SCAPER: variants seen among roughly 807,000 people sequenced by gnomAD.
SCAPER encodes the protein S phase cyclin A-associated protein in the endoplasmic reticulum.
SCAPER carries 98 observed loss-of-function variants against 182.2 expected under a neutral mutation model. The ratio of observed to expected loss-of-function variants is 0.54; its 90% CI spans 0.46 to 0.64. The LOEUF is 0.64. SCAPER is among the 30% of genes least tolerant of loss of function. The pLI is 0.00. For synonymous variants in SCAPER, 605 were observed against 564.6 expected, an observed-to-expected ratio of 1.07 and a Z score of -1.01; for missense variants, 1,432 against 1,690.0, an observed-to-expected ratio of 0.85 and a Z score of 2.68.
At chr15:76,449,913 C>G (rs945261630) in intron 25 of SCAPER, among the ~76,000 whole-genome samples, 1 of 152,100 alleles carries the variant, frequency 6.6e-6, no homozygotes, top group African/African-American at 2.4e-5. Flanking sequence ...TCTATTAGAC[C>G]AGAAGTTGGC....
chr15:76,691,688 A>G (rs2058368580), intron 20 of SCAPER, among the ~76,000 whole-genome samples: 1 of 152,170 alleles, frequency 6.6e-6, no homozygotes, highest in African/African-American at 2.4e-5. Context: ...AGCAAAAATC[A>G]GATTTCCCCA....
At chr15:76,535,728 T>C (rs1003565784) in intron 23 of SCAPER, among the ~76,000 whole-genome samples, 2 of 151,978 alleles carry the variant, frequency 1.3e-5, no homozygotes, top group Middle Eastern at 3.2e-3. Context: ...TCATTCAGGC[T>C]CTAGGTTCTG....
intron 2 of SCAPER, among the ~76,000 whole-genome samples, chr15:76,883,290 A>G (rs1363805669): frequency 1.3e-5 from 2 of 152,182 alleles, no homozygotes; most frequent in African/African-American, 4.8e-5. Flanking sequence ...CTCCTCCTCA[A>G]TTTGAGTAGT....
At chr15:76,734,593 G>T (rs1381309540) in intron 15 of SCAPER, among the ~76,000 whole-genome samples, 1 of 152,086 alleles carries the variant, frequency 6.6e-6, no homozygotes, top group Non-Finnish European at 1.5e-5. Flanking sequence ...CAAAATACAA[G>T]ATAGGCCAGG....
At chr15:76,473,430 C>G (rs1246476907) in intron 24 of SCAPER, among the ~76,000 whole-genome samples, 1 of 152,190 alleles carries the variant, frequency 6.6e-6, no homozygotes, top group Non-Finnish European at 1.5e-5. Flanking sequence ...GGTCAATGGG[C>G]ACGACAGATT....
In SCAPER at chr15:76,739,104, A is replaced by G. The variant is rs188521992; in HGVS notation, c.1867-5720T>C. 3.3e-5 allele frequency among the ~76,000 whole-genome samples: 5 copies of G among 152,336 alleles called. No individual in the cohort carries two copies. In the East Asian group the frequency reaches 9.6e-4, roughly 29 times the overall value. ...GGTATAAGTAATCTAGAGGTGATTTAAAGTATACAGGAGGATGTGCATAAG... is the reference window on the plus strand; with the variant it reads ...GGTATAAGTAATCTAGAGGTGATTTGAAGTATACAGGAGGATGTGCATAAG... On this transcript the variant is annotated intron_variant, in intron 15 of 31. Coordinates refer to ENST00000563290, the MANE Select transcript of SCAPER (RefSeq NM_020843.4).
intron 22 of SCAPER, among the ~76,000 whole-genome samples, chr15:76,618,772 T>C (rs1205698419): frequency 6.6e-6 from 1 of 152,234 alleles, no homozygotes; most frequent in South Asian, 2.1e-4. Flanking sequence ...AATGAGCACA[T>C]GAAGCCTGTT....
At chr15:76,568,780 A>T (rs2047226759) in intron 23 of SCAPER, among the ~76,000 whole-genome samples, 1 of 152,110 alleles carries the variant, frequency 6.6e-6, no homozygotes, top group Non-Finnish European at 1.5e-5. Flanking sequence ...TTTAAATGAG[A>T]TTTCACTGAA....
chr15:76,647,606 T>G (rs2054652554), intron 21 of SCAPER, among the ~76,000 whole-genome samples: 1 of 152,184 alleles, frequency 6.6e-6, no homozygotes, highest in African/African-American at 2.4e-5. Context: ...TGAAAAGATG[T>G]ATGCAGAGAA....
At chr15:76,454,836 T>C (rs979864754) in intron 25 of SCAPER, among the ~76,000 whole-genome samples, 1 of 152,124 alleles carries the variant, frequency 6.6e-6, no homozygotes, top group Non-Finnish European at 1.5e-5. Context: ...CATAGCATTA[T>C]TTAGGCCTGG....
intron 23 of SCAPER, among the ~76,000 whole-genome samples, chr15:76,505,818 A>C (rs891481760): frequency 2.0e-5 from 3 of 152,234 alleles, no homozygotes; most frequent in African/African-American, 7.2e-5. Flanking sequence ...ACTATTCACA[A>C]TATAGCCAAG....
chr15:76,505,640 G>A (rs140539311), intron 23 of SCAPER, among the ~76,000 whole-genome samples: 3 of 152,256 alleles, frequency 2.0e-5, no homozygotes, highest in African/African-American at 7.2e-5. Flanking sequence ...TACACTGTTC[G>A]TGGGAATGTA....
intron 23 of SCAPER, among the ~76,000 whole-genome samples, chr15:76,529,535 C>T: frequency 6.6e-6 from 1 of 152,118 alleles, no homozygotes; most frequent in East Asian, 1.9e-4. Context: ...AGAAGGGGGC[C>T]TCTGGGCTGT....
At chr15:76,889,963 C>A (rs2074074438) in intron 1 of SCAPER, among the ~76,000 whole-genome samples, 1 of 152,196 alleles carries the variant, frequency 6.6e-6, no homozygotes, top group African/African-American at 2.4e-5. Context: ...GAAATCACAA[C>A]AGTCTCTCAG....
At chr15:76,750,901 A>G (rs11072619) in intron 15 of SCAPER, among the ~76,000 whole-genome samples, 2 of 151,572 alleles carry the variant, frequency 1.3e-5, no homozygotes, top group Non-Finnish European at 1.5e-5. Context: ...AAAAATTAGG[A>G]AAGTAAAAGA....
intron 5 of SCAPER, among the ~76,000 whole-genome samples, chr15:76,833,057 C>T (rs750273751): frequency 6.6e-6 from 1 of 152,088 alleles, no homozygotes; most frequent in Non-Finnish European, 1.5e-5. Flanking sequence ...AGACAACCAT[C>T]CCCCAGACAC....
intron 20 of SCAPER, among the ~76,000 whole-genome samples, chr15:76,696,676 G>C (rs1297666644): frequency 1.3e-5 from 2 of 152,050 alleles, no homozygotes; most frequent in African/African-American, 2.4e-5. Flanking sequence ...AGCTTCTTTA[G>C]ATAGTGTGAA....
At position 76,348,179 on chromosome 15, in the gene SCAPER, G is replaced by A. The variant is rs970678270; in HGVS notation, c.*454C>T. On this transcript the variant is annotated 3_prime_UTR_variant, in exon 32 of 32. Transcript: ENST00000563290. Reference sequence around the variant, plus strand: ...ATATCTTTACCGTAGACCTTAAAAAGTTAAATTTAGAGCAGGTAAACTTTA... The same window carrying A: ...ATATCTTTACCGTAGACCTTAAAAAATTAAATTTAGAGCAGGTAAACTTTA... 3 of 152,698 alleles carry A rather than the reference G, an allele frequency of 2.0e-5. No individual in the cohort carries two copies. Among genetic ancestry groups the A allele is most frequent in the Admixed American group, 1.3e-4 (2 of 15,368 alleles). 9.5% of individuals were successfully genotyped at this position (152,698 alleles called of 1,614,324 possible).
chr15:76,381,403 G>A lies in SCAPER; in HGVS notation c.3680C>T (p.Ala1227Val). 1.9e-6 allele frequency: 3 copies of A among 1,613,600 alleles called. No individual in the cohort carries two copies. Among genetic ancestry groups the A allele is most frequent in the African/African-American group, 2.7e-5 (2 of 75,044 alleles). Residue 1227 changes from alanine to valine, a missense_variant, in exon 28 of 32, where the codon GCA (alanine) becomes GTA (valine). Physicochemically the swap from Ala to Val is moderately conservative, Grantham distance 64. Coordinates refer to ENST00000563290, the MANE Select transcript of SCAPER (RefSeq NM_020843.4). ...IQSLRFFNSF[A>V]ALHLPAFQSI... is the part of the protein sequence containing the mutation. ...CTGAAAAGCAGGCAGATGAAGAGCT[G>A]CAAAGCTGTTGAAGAAACGTAAACT...
Sources: gnomAD v4.1 joint callset for allele counts (sites outside exome capture counted in the v4.1 genomes callset) on GRCh38, gnomAD v4.1.1 for gene constraint, MANE v1.5 for transcripts, NCBI Gene and HGNC (gene_info 2026-07-23, HGNC 2026-07-21) for gene names.